The following PLEKHG7 variants were observed in gnomAD, a reference collection of about 807,000 sequenced individuals.
PLEKHG7 encodes the protein pleckstrin homology and RhoGEF domain containing G7, also known as pleckstrin homology domain-containing family G member 7.
In PLEKHG7, 77 loss-of-function variants were observed where a neutral mutation model predicts 85.2. The ratio of observed to expected loss-of-function variants is 0.90; its 90% CI spans 0.75 to 1.09. The LOEUF (loss-of-function observed/expected upper bound fraction) is 1.09. Ranked by LOEUF, PLEKHG7 falls within the 50% of genes least tolerant of loss-of-function variation. The pLI, the probability that PLEKHG7 is intolerant of heterozygous loss-of-function variation, is 0.00. For missense variants in PLEKHG7, 777 were observed against 804.3 expected (o/e 0.97, Z 0.41); for synonymous variants, 301 against 302.4 (o/e 1.00, Z 0.05).
Position 92,706,746 on chromosome 12 carries a change from CG to C in PLEKHG7, c.117del (p.Gln40LysfsTer12), listed in dbSNP as rs1489957880. 1 of 1,614,020 alleles carries C rather than the reference CG, an allele frequency of 6.2e-7. No homozygotes were observed. The highest frequency in any genetic ancestry group is 2.2e-5 in the East Asian group (1 of 44,860). Reference sequence around the variant, plus strand: ...CCAGGGGAGTCTCCTCCAGTTTGACCGGCAAGCCCCAGGCCGCATCTCCACC... The same window carrying C: ...CCAGGGGAGTCTCCTCCAGTTTGACCGCAAGCCCCAGGCCGCATCTCCACC... ...KNQGSLLQFDRQAPGRISTSP... is the reference protein window; with the variant it reads ...KNQGSLLQFDXQAPGRISTSP... On this transcript the variant is annotated frameshift_variant, in exon 2 of 17. Transcript: ENST00000344636. LOFTEE classifies it high-confidence loss of function.
intron 3 of PLEKHG7, among the ~76,000 whole-genome samples, chr12:92,721,895 A>G (rs1399498044): frequency 5.3e-5 from 8 of 151,986 alleles, no homozygotes; most frequent in Admixed American, 2.6e-4. Flanking sequence ...AGGAAATCCA[A>G]TCTCTAAAAA....
intron 8 of PLEKHG7, 132 bp downstream of exon 8, chr12:92,741,080 A>G (rs1031379380): frequency 1.7e-6 from 1 of 583,602 alleles, no homozygotes; most frequent in Non-Finnish European, 2.9e-6. Context: ...CTTCAGGTTA[A>G]TAAGAAAGAA....
At position 92,756,056 on chromosome 12, in the gene PLEKHG7, C is replaced by T. The variant is rs185569642; in HGVS notation, c.1542+116C>T. The T allele has an allele frequency of 1.7e-4, 131 of 791,076 alleles. 1 individual carries two copies. Among genetic ancestry groups the T allele is most frequent in the Non-Finnish European group, 1.4e-4 (67 of 490,022 alleles). 49.0% of individuals were successfully genotyped at this position (791,076 alleles called of 1,614,324 possible). A position where few individuals can be genotyped will look rare whatever the true frequency, so the allele number is the denominator to read the frequency against. On this transcript the variant is annotated intron_variant, in intron 12 of 16. Coordinates refer to ENST00000344636, the MANE Select transcript of PLEKHG7 (RefSeq NM_001377329.1). ...TCCACTTGAAGAATAAATCTAGTTT[C>T]ATGAACAAGAAGTAAAGTCTTCATC...
At chr12:92,760,924 A>G (rs780225771) in intron 13 of PLEKHG7, among the ~76,000 whole-genome samples, 2 of 152,224 alleles carry the variant, frequency 1.3e-5, no homozygotes, top group Non-Finnish European at 2.9e-5. Flanking sequence ...GGCTGACTTA[A>G]ACAGCAGAAA....
At chr12:92,726,918 C>T (rs1028619325) in intron 3 of PLEKHG7, among the ~76,000 whole-genome samples, 14 of 152,172 alleles carry the variant, frequency 9.2e-5, no homozygotes, top group African/African-American at 3.4e-4. Flanking sequence ...ATGATCACCC[C>T]CATGGATCCT....
intron 13 of PLEKHG7, among the ~76,000 whole-genome samples, chr12:92,758,948 T>C (rs1221358997): frequency 6.6e-6 from 1 of 152,200 alleles, no homozygotes; most frequent in Non-Finnish European, 1.5e-5. Flanking sequence ...GAACCAACAG[T>C]CAGGGGATCT....
At position 92,769,077 on chromosome 12, in the gene PLEKHG7, C is replaced by T; in HGVS notation, c.1965C>T (p.Ile655=). The change falls in exon 16 of 17, where the codon ATC becomes ATT. Residue 655 remains isoleucine, a synonymous_variant. Coordinates refer to ENST00000344636, the MANE Select transcript of PLEKHG7 (RefSeq NM_001377329.1). ...AFLLQAQTEN[I]KKTWMAQITT... The stretch of plus-strand genomic sequence containing the variant: ...TATTACAAGCCCAAACGGAAAACAT[C>T]AAAGTATGTATTTTAATTTTGTAGG... 1 of 1,564,718 alleles carries T rather than the reference C, an allele frequency of 6.4e-7. No individual in the cohort carries two copies. The highest frequency in any genetic ancestry group is 1.7e-4 in the Middle Eastern group (1 of 5,978).
intron 3 of PLEKHG7, among the ~76,000 whole-genome samples, chr12:92,727,161 A>G (rs1871839946): frequency 6.6e-6 from 1 of 152,160 alleles, no homozygotes; most frequent in Non-Finnish European, 1.5e-5. Context: ...AGTCCTTCCT[A>G]ACAGAGTGGC....
intron 13 of PLEKHG7, 105 bp from the exon 14 acceptor site, chr12:92,761,623 GAAGAAAGAAAGAAAGAAAGAAAGA>G (rs10601568): frequency 0.012 from 8,512 of 718,734 alleles, 109 homozygotes; most frequent in Admixed American, 0.026. Context: ...AAGAAAGAAA[GAAGAAAGAAAGAAAGAAAGAAAGA>G]AAGAAAGAAA....
rs992911094 is a variant in PLEKHG7, at chr12:92,710,830, G to A, written c.530+3158G>A. Among the ~76,000 whole-genome samples the A allele has an allele frequency of 3.3e-5, 5 of 152,206 alleles. No individual in the cohort carries two copies. In the East Asian group the frequency reaches 7.7e-4, roughly 23 times the overall value. ...GGCCCATCGGGCAATGACAGGGGCA[G>A]CTGGGGAAAGAGGCTGAGTGGTGTC... On this transcript the variant is annotated intron_variant, in intron 3 of 16. Transcript: ENST00000344636.
At position 92,762,132 on chromosome 12, in the gene PLEKHG7, A is replaced by G. The variant is rs116493620; in HGVS notation, c.1716+301A>G. Reference sequence around the variant, plus strand: ...TTGCAAGCTAAGTCCCAGAAGCCACAGGACTTTGCCTGACCTGCCTAAGCA... The same window carrying G: ...TTGCAAGCTAAGTCCCAGAAGCCACGGGACTTTGCCTGACCTGCCTAAGCA... On this transcript the variant is annotated intron_variant, in intron 14 of 16. Transcript: ENST00000344636. Among the ~76,000 whole-genome samples, 339 of 152,350 alleles carry G rather than the reference A, an allele frequency of 2.2e-3. 1 individual carries two copies. Among genetic ancestry groups the G allele is most frequent in the African/African-American group, 7.7e-3 (321 of 41,586 alleles).
intron 13 of PLEKHG7, among the ~76,000 whole-genome samples, chr12:92,759,811 G>A (rs1244579103): frequency 6.6e-6 from 1 of 152,204 alleles, no homozygotes. Context: ...TCAGCTGGCT[G>A]TTCACAGGTC....
chr12:92,733,888 TGC>T (rs1280549391), intron 5 of PLEKHG7, among the ~76,000 whole-genome samples: 1 of 152,210 alleles, frequency 6.6e-6, no homozygotes, highest in Non-Finnish European at 1.5e-5. Context: ...ATATCTAAGA[TGC>T]CAAGATGTCC....
At chr12:92,769,290 GA>G (rs1218205422) in intron 16 of PLEKHG7, among the ~76,000 whole-genome samples, 1 of 152,104 alleles carries the variant, frequency 6.6e-6, no homozygotes, top group Non-Finnish European at 1.5e-5. Context: ...TGGGGTTGAG[GA>G]ACAATTTCCT....
intron 3 of PLEKHG7, among the ~76,000 whole-genome samples, chr12:92,713,191 G>A (rs1341259070): frequency 6.6e-6 from 1 of 152,212 alleles, no homozygotes; most frequent in Non-Finnish European, 1.5e-5. Context: ...AGGGGACCTG[G>A]CCTTCCCTTT....
Position 92,706,312 on chromosome 12 carries a change from G to A in PLEKHG7, c.-161-159G>A, listed in dbSNP as rs545099743. 3.3e-5 allele frequency among the ~76,000 whole-genome samples: 5 copies of A among 152,318 alleles called. No individual in the cohort carries two copies. The East Asian group carries it at 5.8e-4, about 18-fold the overall frequency. ...ATTTAGATGAGAAGGCTGGAGTCAC[G>A]TATATTAATTATCTTCTGAACGTAA... is the stretch of plus-strand genomic sequence containing the variant. On this transcript the variant is annotated intron_variant, in intron 1 of 16. Coordinates refer to ENST00000344636, the MANE Select transcript of PLEKHG7 (RefSeq NM_001377329.1).
At chr12:92,726,113 C>A (rs563261661) in intron 3 of PLEKHG7, among the ~76,000 whole-genome samples, 8 of 152,240 alleles carry the variant, frequency 5.3e-5, no homozygotes, top group African/African-American at 1.9e-4. Flanking sequence ...CGAGAATGTG[C>A]AATTAAGAGG....
intron 13 of PLEKHG7, 105 bp from the exon 14 acceptor site, chr12:92,761,638 GAAAGAAAGA>G (rs1317674782): frequency 2.1e-5 from 11 of 519,426 alleles, no homozygotes; most frequent in Non-Finnish European, 2.9e-5. Flanking sequence ...AAGAAAGAAA[GAAAGAAAGA>G]AAGAAAGAAA....
intron 3 of PLEKHG7, chr12:92,721,351 A>G (rs1026161578): frequency 8.9e-5 from 61 of 683,922 alleles, no homozygotes; most frequent in African/African-American, 1.3e-4. Flanking sequence ...TTGGGGGGGA[A>G]TTCCCGGGAT....
Sources: allele counts gnomAD v4.1 joint callset (sites outside exome capture counted in the v4.1 genomes callset), GRCh38; gene constraint gnomAD v4.1.1; transcripts MANE v1.5; gene names NCBI Gene and HGNC (gene_info 2026-07-23, HGNC 2026-07-21).